The following SCN1A variants were observed in gnomAD, a reference collection of about 807,000 sequenced individuals.
SCN1A encodes the protein sodium voltage-gated channel alpha subunit 1, also known as sodium channel protein type 1 subunit alpha.
In SCN1A, 13 loss-of-function variants were observed where a neutral mutation model predicts 193.7. The observed-to-expected ratio is 0.07, with a 90% CI of 0.04 to 0.11. The LOEUF (loss-of-function observed/expected upper bound fraction) is 0.11. SCN1A is among the 10% of genes least tolerant of loss of function. The pLI is 1.00. For synonymous variants in SCN1A, 781 were observed against 843.6 expected, an observed-to-expected ratio of 0.93 and a Z score of 1.29; for missense variants, 1,432 against 2,451.1, an observed-to-expected ratio of 0.58 and a Z score of 8.78.
intron 1 of SCN1A, among the ~76,000 whole-genome samples, chr2:166,148,322 G>A (rs559612241): frequency 4.6e-5 from 7 of 152,254 alleles, no homozygotes; most frequent in African/African-American, 1.7e-4. Flanking sequence ...TCAATAAAGA[G>A]CCTGCTATTT....
chr2:166,047,496 A>C, intron 11 of SCN1A, 131 bp downstream of exon 11: 1 of 991,200 alleles, frequency 1.0e-6, no homozygotes, highest in Admixed American at 1.8e-5. Flanking sequence ...AATCAATAGG[A>C]TAGAGGAACT....
chr2:166,123,818 A>G (rs190216015), intron 2 of SCN1A, among the ~76,000 whole-genome samples: 8 of 152,292 alleles, frequency 5.3e-5, no homozygotes, highest in Non-Finnish European at 5.9e-5. Flanking sequence ...CCCTAAGCCC[A>G]ATCTCTGAGA....
chr2:166,100,497 G>T (rs891277481), intron 2 of SCN1A, among the ~76,000 whole-genome samples: 1 of 151,672 alleles, frequency 6.6e-6, no homozygotes, highest in African/African-American at 2.4e-5. Context: ...GGCAACAAAA[G>T]ACAAAATTGA....
At chr2:166,080,550 T>C (rs987579674) in intron 2 of SCN1A, among the ~76,000 whole-genome samples, 2 of 151,540 alleles carry the variant, frequency 1.3e-5, no homozygotes, top group South Asian at 2.1e-4. Context: ...AATAGAAAAC[T>C]GGAAGAAGAA....
chr2:166,052,216 A>T (rs1404737096), intron 8 of SCN1A, among the ~76,000 whole-genome samples: 1 of 152,010 alleles, frequency 6.6e-6, no homozygotes, highest in African/African-American at 2.4e-5. Context: ...GTCGAGATAG[A>T]GTAATGGAAG....
chr2:166,029,835 G>A (rs1191701576), intron 19 of SCN1A, among the ~76,000 whole-genome samples: 1 of 152,072 alleles, frequency 6.6e-6, no homozygotes, highest in African/African-American at 2.4e-5. Flanking sequence ...AAACTCAGAA[G>A]GGGATGCTCC....
At position 165,998,175 on chromosome 2, in the gene SCN1A, C is replaced by T; in HGVS notation, c.4339G>A (p.Val1447Met). Residue 1447 changes from valine (V) to methionine (M), a missense_variant and splice_region_variant, in exon 26 of 29, where the codon GTG (valine) becomes ATG (methionine). Coordinates refer to ENST00000674923, the MANE Select transcript of SCN1A (RefSeq NM_001165963.4). ...IMYAAVDSRN[V>M]ELQPKYEESL... ...TCTTCATACTTAGGCTGGAGTTCCA[C>T]CTACCAAAGGGGAATATTTTGTAAA... The T allele has an allele frequency of 1.2e-6, 2 of 1,602,146 alleles. No individual in the cohort carries two copies. Among genetic ancestry groups the T allele is most frequent in the Non-Finnish European group, 1.7e-6 (2 of 1,171,948 alleles).
intron 2 of SCN1A, among the ~76,000 whole-genome samples, chr2:166,089,013 T>C (rs1686464037): frequency 6.6e-6 from 1 of 152,224 alleles, no homozygotes. Context: ...GCATACCTCA[T>C]ACAATTTGTT....
At chr2:166,054,145 T>C (rs1698884477) in intron 7 of SCN1A, among the ~76,000 whole-genome samples, 1 of 152,000 alleles carries the variant, frequency 6.6e-6, no homozygotes, top group African/African-American at 2.4e-5. Context: ...TTCTTTCTTC[T>C]CTTAGTTTGA....
At chr2:166,118,217 A>G (rs1280689625) in intron 2 of SCN1A, among the ~76,000 whole-genome samples, 1 of 146,332 alleles carries the variant, frequency 6.8e-6, no homozygotes, top group South Asian at 2.2e-4. Flanking sequence ...TCAAGATTCC[A>G]CTTTTTGCTA....
intron 1 of SCN1A, among the ~76,000 whole-genome samples, chr2:166,133,472 T>G (rs1299700351): frequency 6.6e-6 from 1 of 152,186 alleles, no homozygotes; most frequent in African/African-American, 2.4e-5. Context: ...AATCATCTGA[T>G]GAGATTAGCA....
At chr2:165,998,862 C>T (rs982554172) in intron 25 of SCN1A, among the ~76,000 whole-genome samples, 2 of 151,366 alleles carry the variant, frequency 1.3e-5, no homozygotes, top group Non-Finnish European at 3.0e-5. Context: ...AATAAAACAA[C>T]TCTGGAGGTT....
At chr2:166,021,068 T>A (rs938986601) in intron 19 of SCN1A, among the ~76,000 whole-genome samples, 1 of 152,230 alleles carries the variant, frequency 6.6e-6, no homozygotes, top group Non-Finnish European at 1.5e-5. Flanking sequence ...GTATTCATAT[T>A]TGGCTTAAGC....
chr2:166,091,907 C>T (rs1686848870), intron 2 of SCN1A, among the ~76,000 whole-genome samples: 1 of 152,088 alleles, frequency 6.6e-6, no homozygotes, highest in African/African-American at 2.4e-5. Context: ...AATGCCTTAT[C>T]CTAGGTCACC....
At chr2:166,028,299 C>T (rs1013291300) in intron 19 of SCN1A, among the ~76,000 whole-genome samples, 1 of 151,826 alleles carries the variant, frequency 6.6e-6, no homozygotes, top group South Asian at 2.1e-4. Context: ...TTTATAATCC[C>T]CAAGCTAGAA....
chr2:166,033,362 G>T (rs540894559), intron 19 of SCN1A, among the ~76,000 whole-genome samples: 1 of 152,184 alleles, frequency 6.6e-6, no homozygotes, highest in South Asian at 2.1e-4. Flanking sequence ...GGTGGCAAAA[G>T]CTTCATTTAC....
chr2:166,098,355 C>A (rs1687630372), intron 2 of SCN1A, among the ~76,000 whole-genome samples: 1 of 151,880 alleles, frequency 6.6e-6, no homozygotes, highest in Non-Finnish European at 1.5e-5. Context: ...ACAAATTAGG[C>A]CAAAGCATAA....
chr2:166,100,092 A>T (rs1687872240), intron 2 of SCN1A, among the ~76,000 whole-genome samples: 1 of 132,346 alleles, frequency 7.6e-6, no homozygotes, highest in Non-Finnish European at 1.7e-5. Context: ...TGGAGGCATC[A>T]CACTACCTGA....
chr2:165,991,077 GT>G lies in SCN1A; in HGVS notation c.*167del. 1 of 625,330 alleles carries G rather than the reference GT, an allele frequency of 1.6e-6. No individual in the cohort carries two copies. The highest frequency in any genetic ancestry group is 2.8e-5 in the East Asian group (1 of 36,038). The allele number at this position is 625,330 out of a possible 1,614,324, so 38.7% of individuals were successfully genotyped here. On this transcript the variant is annotated 3_prime_UTR_variant, in exon 29 of 29. Transcript: ENST00000674923. ...CATCTCCCCTTTACACAGAGTCACA[GT>G]TTGCTGACAAGGGGTCACTGTCTTA...
Sources: gnomAD v4.1 joint callset for allele counts (sites outside exome capture counted in the v4.1 genomes callset) on GRCh38, gnomAD v4.1.1 for gene constraint, MANE v1.5 for transcripts, NCBI Gene and HGNC (gene_info 2026-07-23, HGNC 2026-07-21) for gene names.